Variants in PCDH15 observed in about 807,000 individuals in gnomAD.
PCDH15 encodes protocadherin related 15.
A neutral mutation model predicts 178.5 loss-of-function variants in PCDH15; 129 were observed. The ratio of observed to expected loss-of-function variants is 0.72; its 90% CI spans 0.63 to 0.84. The LOEUF (loss-of-function observed/expected upper bound fraction) is 0.84. PCDH15 is among the 40% of genes least tolerant of loss of function. The probability of loss-of-function intolerance (pLI) is 0.00; values close to 1 mark genes in which losing one functional copy is unlikely to be tolerated. For synonymous variants in PCDH15, 800 were observed against 732.0 expected (o/e 1.09, Z -1.50); for missense variants, 2,230 against 2,099.9 (o/e 1.06, Z -1.21).
chr10:55,619,026 A>T (rs1843534556), intron 2 of PCDH15, among the ~76,000 whole-genome samples: 1 of 152,080 alleles, frequency 6.6e-6, no homozygotes, highest in Non-Finnish European at 1.5e-5. Context: ...CAAAAGCGTG[A>T]TCGTAAATAA....
chr10:54,266,336 T>TA (rs2057687928), intron 8 of PCDH15, among the ~76,000 whole-genome samples: 1 of 151,756 alleles, frequency 6.6e-6, no homozygotes, highest in South Asian at 2.1e-4. Context: ...ATTATAGTGC[T>TA]AAATACATCA....
intron 5 of PCDH15, among the ~76,000 whole-genome samples, chr10:54,360,285 A>G (rs184842866): frequency 3.0e-4 from 45 of 152,160 alleles, no homozygotes; most frequent in Admixed American, 5.9e-4. Flanking sequence ...CCATTTTCCC[A>G]CATATGATTA....
intron 2 of PCDH15, among the ~76,000 whole-genome samples, chr10:55,428,315 A>G (rs1453479061): frequency 1.3e-5 from 2 of 151,958 alleles, no homozygotes; most frequent in African/African-American, 4.8e-5. Flanking sequence ...TGTAATATCT[A>G]TCAGTTATCA....
chr10:54,263,965 T>C (rs192555416), intron 8 of PCDH15, among the ~76,000 whole-genome samples: 1 of 152,290 alleles, frequency 6.6e-6, no homozygotes, highest in East Asian at 1.9e-4. Context: ...CTGAGTCTCC[T>C]GGCTTTCATC....
intron 5 of PCDH15, among the ~76,000 whole-genome samples, chr10:54,364,497 A>G (rs74410721): frequency 0.011 from 1,705 of 152,232 alleles, 28 homozygotes; most frequent in African/African-American, 0.033. Flanking sequence ...AAATTATTTT[A>G]TATGTTCCAT....
chr10:54,256,055 G>A (rs557089118), intron 8 of PCDH15, among the ~76,000 whole-genome samples: 129 of 152,260 alleles, frequency 8.5e-4, no homozygotes, highest in Admixed American at 1.9e-3. Flanking sequence ...AATAGTCTCC[G>A]GAAGGATACC....
At chr10:55,427,967 A>G (rs1838796093) in intron 2 of PCDH15, among the ~76,000 whole-genome samples, 1 of 151,112 alleles carries the variant, frequency 6.6e-6, no homozygotes, top group African/African-American at 2.4e-5. Context: ...CAGCATCCAT[A>G]ATTTCTATGG....
chr10:54,019,449 G>T (rs1250089254), intron 20 of PCDH15, among the ~76,000 whole-genome samples: 1 of 152,114 alleles, frequency 6.6e-6, no homozygotes, highest in African/African-American at 2.4e-5. Context: ...CCATGGGACA[G>T]GTCCTTCTTT....
intron 9 of PCDH15, among the ~76,000 whole-genome samples, chr10:54,225,722 T>G (rs2134242088): frequency 6.6e-6 from 1 of 152,006 alleles, no homozygotes; most frequent in African/African-American, 2.4e-5. Flanking sequence ...TGATTCAATT[T>G]ACATATAGTG....
intron 3 of PCDH15, among the ~76,000 whole-genome samples, chr10:54,836,870 A>G (rs952519477): frequency 5.9e-5 from 9 of 152,112 alleles, no homozygotes; most frequent in Admixed American, 5.9e-4. Context: ...TGAGTGCAAA[A>G]CAGAAAAGAT....
intron 5 of PCDH15, among the ~76,000 whole-genome samples, chr10:54,368,061 G>C (rs1037481029): frequency 6.6e-6 from 1 of 151,880 alleles, no homozygotes; most frequent in Non-Finnish European, 1.5e-5. Flanking sequence ...TCAAAGAGGT[G>C]AAGCATTTAT....
intron 33 of PCDH15, chr10:53,818,260 C>CA (rs1425372566): frequency 6.3e-6 from 2 of 318,220 alleles, no homozygotes; most frequent in Non-Finnish European, 1.1e-5. Context: ...ACAAAACATG[C>CA]AAAATCTATT....
At chr10:54,363,482 A>G (rs1946355404) in intron 5 of PCDH15, among the ~76,000 whole-genome samples, 1 of 152,206 alleles carries the variant, frequency 6.6e-6, no homozygotes, top group Admixed American at 6.6e-5. Flanking sequence ...AGACAAATGA[A>G]ACTAACAAAT....
chr10:55,120,661 TATAA>T (rs1837743403), intron 2 of PCDH15, among the ~76,000 whole-genome samples: 1 of 152,252 alleles, frequency 6.6e-6, no homozygotes, highest in South Asian at 2.1e-4. Flanking sequence ...AGATTAAATA[TATAA>T]ATAAATAAAA....
intron 1 of PCDH15, among the ~76,000 whole-genome samples, chr10:54,679,384 ACT>A (rs111734933): frequency 2.0e-4 from 30 of 152,252 alleles, no homozygotes; most frequent in African/African-American, 6.7e-4. Context: ...AGCAAAACAC[ACT>A]CTGTTTCATG....
chr10:53,814,281 T>C (rs541576487), intron 35 of PCDH15, among the ~76,000 whole-genome samples: 1 of 149,262 alleles, frequency 6.7e-6, no homozygotes, highest in South Asian at 2.1e-4. Context: ...CAACATTAGG[T>C]AATAGTAAGA....
At chr10:55,158,336 G>A (rs1838954882) in intron 2 of PCDH15, among the ~76,000 whole-genome samples, 1 of 152,054 alleles carries the variant, frequency 6.6e-6, no homozygotes, top group East Asian at 1.9e-4. Flanking sequence ...TGTGTTAGAT[G>A]TAAACAGATG....
At chr10:55,195,023 A>ATTT (rs763738202) in intron 1 of PCDH15, among the ~76,000 whole-genome samples, 1 of 140,512 alleles carries the variant, frequency 7.1e-6, no homozygotes. Context: ...GAAGAAGAAA[A>ATTT]TTTTTTTTTT....
intron 2 of PCDH15, among the ~76,000 whole-genome samples, chr10:55,008,064 C>G (rs1839972839): frequency 6.6e-6 from 1 of 151,982 alleles, no homozygotes; most frequent in African/African-American, 2.4e-5. Flanking sequence ...TAGTAAAACA[C>G]TACATCATCT....
Sources: gnomAD v4.1 joint callset for allele counts (sites outside exome capture counted in the v4.1 genomes callset) on GRCh38, gnomAD v4.1.1 for gene constraint, MANE v1.5 for transcripts, NCBI Gene and HGNC (gene_info 2026-07-23, HGNC 2026-07-21) for gene names.